The following SMKR1 variants were observed in gnomAD, a reference collection of about 807,000 sequenced individuals.
SMKR1 encodes small lysine rich protein 1.
Under a neutral mutation model 4.0 loss-of-function variants are expected in SMKR1, and 4 were observed. The ratio of observed to expected loss-of-function variants is 1.00; its 90% confidence interval spans 0.49 to 2.30. The LOEUF (loss-of-function observed/expected upper bound fraction) is 2.30. Ranked by LOEUF, SMKR1 falls within the 30% of genes most tolerant of loss-of-function variation. SMKR1 has a pLI of 0.02. For synonymous variants in SMKR1, 38 were observed against 32.5 expected, an observed-to-expected ratio of 1.17 and a Z score of -0.58; for missense variants, 56 against 81.8, an observed-to-expected ratio of 0.68 and a Z score of 1.22.
At chr7:129,511,375 G>A (rs925460910) in intron 1 of SMKR1, among the ~76,000 whole-genome samples, 2 of 152,126 alleles carry the variant, frequency 1.3e-5, no homozygotes, top group African/African-American at 4.8e-5. Context: ...CGGGGGCAGC[G>A]GGGGAGCTGA....
chr7:129,507,652 G>A (rs973230890), intron 1 of SMKR1, among the ~76,000 whole-genome samples: 2 of 152,188 alleles, frequency 1.3e-5, no homozygotes, highest in African/African-American at 4.8e-5. Flanking sequence ...AGTTGTATGA[G>A]AGTTTCAGTT....
chr7:129,505,086 G>A (rs2151027146), intron 1 of SMKR1, among the ~76,000 whole-genome samples: 2 of 152,328 alleles, frequency 1.3e-5, no homozygotes, highest in Non-Finnish European at 2.9e-5. Flanking sequence ...TCCTGTTATT[G>A]CATTGCATCT....
At chr7:129,508,402 C>G (rs990912676) in intron 1 of SMKR1, among the ~76,000 whole-genome samples, 1 of 152,110 alleles carries the variant, frequency 6.6e-6, no homozygotes, top group Non-Finnish European at 1.5e-5. Flanking sequence ...TATAATAATT[C>G]TTGAAATAAG....
Position 129,502,786 on chromosome 7 carries a change from G to C in SMKR1, c.-39G>C. ...TGGATGCTAAGGGCTTCGGGATCGGGAGAGTCCACCACGCCTGCCTGCTCG... is the reference window on the plus strand; with the variant it reads ...TGGATGCTAAGGGCTTCGGGATCGGCAGAGTCCACCACGCCTGCCTGCTCG... On this transcript the variant is annotated 5_prime_UTR_variant, in exon 1 of 2. Transcript: ENST00000462322. 1 of 1,535,078 alleles carries C rather than the reference G, an allele frequency of 6.5e-7. No homozygotes were observed. The highest frequency in any genetic ancestry group is 8.7e-7 in the Non-Finnish European group (1 of 1,146,582).
intron 1 of SMKR1, among the ~76,000 whole-genome samples, chr7:129,510,959 C>T (rs1799520559): frequency 6.6e-6 from 1 of 152,150 alleles, no homozygotes; most frequent in African/African-American, 2.4e-5. Flanking sequence ...CAGGCGCTTG[C>T]CACCATGCCC....
intron 1 of SMKR1, among the ~76,000 whole-genome samples, chr7:129,504,354 T>G (rs1187705940): frequency 1.3e-5 from 2 of 152,204 alleles, no homozygotes; most frequent in African/African-American, 4.8e-5. Context: ...GGTTTCCGTC[T>G]CTTTGTGCAC....
chr7:129,503,882 C>A (rs1204245903), intron 1 of SMKR1, among the ~76,000 whole-genome samples: 1 of 133,468 alleles, frequency 7.5e-6, no homozygotes, highest in Non-Finnish European at 1.5e-5. Flanking sequence ...GGCTGGAGTA[C>A]AGTGGTGTGA....
rs182346776 is a variant in SMKR1, at chr7:129,512,350, A to G, written c.107A>G (p.Tyr36Cys). Reference sequence around the variant, plus strand: ...AGCCCCGCGGCCATGCTGAACCTCTACTACATCGCCCACAACGTCGCTGAC... The same window carrying G: ...AGCCCCGCGGCCATGCTGAACCTCTGCTACATCGCCCACAACGTCGCTGAC... ...ILSPAAMLNL[Y>C]YIAHNVADCL... The change falls in exon 2 of 2, where the codon TAC becomes TGC. Residue 36 changes from tyrosine to cysteine, a missense_variant. Coordinates refer to ENST00000462322, the MANE Select transcript of SMKR1 (RefSeq NM_001195243.2). 6.2e-4 allele frequency: 958 copies of G among 1,536,112 alleles called. 3 individuals are homozygous for G. In the Middle Eastern group the frequency reaches 0.013, roughly 21 times the overall value.
intron 1 of SMKR1, among the ~76,000 whole-genome samples, 158 bp from the exon 2 acceptor site, chr7:129,512,089 C>A (rs569875686): frequency 2.0e-5 from 3 of 152,152 alleles, no homozygotes; most frequent in Non-Finnish European, 4.4e-5. Context: ...GAGGCCGAGG[C>A]AGGAGGATCA....
chr7:129,508,999 A>G (rs1406405831), intron 1 of SMKR1, among the ~76,000 whole-genome samples: 2 of 152,204 alleles, frequency 1.3e-5, no homozygotes, highest in Non-Finnish European at 2.9e-5. Flanking sequence ...TTGGCATGCA[A>G]AAAAGTACAA....
intron 1 of SMKR1, among the ~76,000 whole-genome samples, chr7:129,506,911 A>G (rs957070036): frequency 1.4e-4 from 20 of 148,076 alleles, no homozygotes; most frequent in Non-Finnish European, 2.5e-4. Context: ...CCAGGCTGGA[A>G]TGCAGCAACT....
intron 1 of SMKR1, among the ~76,000 whole-genome samples, chr7:129,508,636 G>A (rs749316019): frequency 2.6e-5 from 4 of 152,032 alleles, no homozygotes; most frequent in Non-Finnish European, 2.9e-5. Flanking sequence ...TAGAGACCGG[G>A]TTTCACTGTA....
At chr7:129,507,829 G>A (rs1242163847) in intron 1 of SMKR1, among the ~76,000 whole-genome samples, 1 of 152,178 alleles carries the variant, frequency 6.6e-6, no homozygotes, top group East Asian at 1.9e-4. Flanking sequence ...TTGGGGAAGG[G>A]TCTATTCAAC....
In SMKR1 at chr7:129,512,456, A is replaced by T. The variant is rs1183334622; in HGVS notation, c.*15A>T. 1 of 1,530,286 alleles carries T rather than the reference A, an allele frequency of 6.5e-7. No homozygotes were observed. Among genetic ancestry groups the T allele is most frequent in the East Asian group, 2.5e-5 (1 of 40,770 alleles). The allele number at this position is 1,530,286 out of a possible 1,614,324, so 94.8% of individuals were successfully genotyped here. A position where few individuals can be genotyped will look rare whatever the true frequency, so the allele number is the denominator to read the frequency against. ...GAAGCAAGTGACAGCATTTCACAACACATCTCTGTTACAGACAACAGGACC... is the reference window on the plus strand; with the variant it reads ...GAAGCAAGTGACAGCATTTCACAACTCATCTCTGTTACAGACAACAGGACC... On this transcript the variant is annotated 3_prime_UTR_variant, in exon 2 of 2. Transcript: ENST00000462322.
intron 1 of SMKR1, among the ~76,000 whole-genome samples, chr7:129,510,764 G>T (rs917261510): frequency 1.1e-4 from 17 of 151,996 alleles, no homozygotes; most frequent in African/African-American, 4.1e-4. Flanking sequence ...ATCATTTATT[G>T]AGTATTTGTC....
At chr7:129,503,068 AC>A (rs2151026571) in intron 1 of SMKR1, among the ~76,000 whole-genome samples, 1 of 149,648 alleles carries the variant, frequency 6.7e-6, no homozygotes, top group African/African-American at 2.5e-5. Context: ...AGCAGCCCCC[AC>A]ACCCAGACGG....
At chr7:129,509,051 A>C (rs1799497467) in intron 1 of SMKR1, among the ~76,000 whole-genome samples, 1 of 152,172 alleles carries the variant, frequency 6.6e-6, no homozygotes, top group Non-Finnish European at 1.5e-5. Context: ...GTGGTGGCTC[A>C]CGCCTATAAT....
chr7:129,511,496 C>T (rs1799526298), intron 1 of SMKR1, among the ~76,000 whole-genome samples: 1 of 152,170 alleles, frequency 6.6e-6, no homozygotes, highest in African/African-American at 2.4e-5. Context: ...ATTGTCAGAC[C>T]TAATAGAATT....
At chr7:129,509,836 G>A (rs1014465104) in intron 1 of SMKR1, among the ~76,000 whole-genome samples, 2 of 152,198 alleles carry the variant, frequency 1.3e-5, no homozygotes, top group Non-Finnish European at 2.9e-5. Flanking sequence ...AGCGCGCCCG[G>A]CCTATTTTAG....
Sources: allele counts gnomAD v4.1 joint callset (sites outside exome capture counted in the v4.1 genomes callset), GRCh38; gene constraint gnomAD v4.1.1; transcripts MANE v1.5; gene names NCBI Gene and HGNC (gene_info 2026-07-23, HGNC 2026-07-21).